HIPK3: variants seen among roughly 807,000 people sequenced by gnomAD.
HIPK3 encodes the protein homeodomain interacting protein kinase 3.
HIPK3 carries 47 observed loss-of-function variants against 124.2 expected under a neutral mutation model. The ratio of observed to expected loss-of-function variants is 0.38; its 90% CI spans 0.30 to 0.48. The LOEUF is 0.48. Ranked by LOEUF, HIPK3 falls within the 20% of genes least tolerant of loss-of-function variation. The pLI is 0.98. For synonymous variants in HIPK3, 482 were observed against 515.2 expected (o/e 0.94, Z 0.87); for missense variants, 1,286 against 1,454.3 (o/e 0.88, Z 1.88).
intron 2 of HIPK3, among the ~76,000 whole-genome samples, chr11:33,306,601 C>G (rs1198652275): frequency 6.6e-6 from 1 of 152,098 alleles, no homozygotes; most frequent in African/African-American, 2.4e-5. Flanking sequence ...CTTATTGTGT[C>G]ACCCTGAGCA....
chr11:33,261,067 T>A (rs1047352034), intron 1 of HIPK3, among the ~76,000 whole-genome samples: 2 of 149,252 alleles, frequency 1.3e-5, no homozygotes, highest in Admixed American at 1.3e-4. Flanking sequence ...GAGAATCTTT[T>A]GTGATACCGG....
At chr11:33,328,430 C>T in intron 2 of HIPK3, 80 bp from the exon 3 acceptor site, 1 of 1,410,944 alleles carries the variant, frequency 7.1e-7, no homozygotes, top group Non-Finnish European at 9.9e-7. Flanking sequence ...GTCATTTTAC[C>T]AACTTCCTAG....
chr11:33,332,205 TTTTAGA>T (rs1853007405), intron 3 of HIPK3, among the ~76,000 whole-genome samples: 1 of 152,228 alleles, frequency 6.6e-6, no homozygotes, highest in African/African-American at 2.4e-5. Flanking sequence ...TCTCTTTGGA[TTTTAGA>T]TTCTGTAAGT....
intron 2 of HIPK3, among the ~76,000 whole-genome samples, chr11:33,307,424 A>G (rs1370246976): frequency 7.1e-6 from 1 of 140,796 alleles, no homozygotes; most frequent in East Asian, 2.1e-4. Context: ...TTTGAGACAG[A>G]GTCTTGCTCT....
chr11:33,299,635 T>G (rs1049172272), intron 2 of HIPK3, among the ~76,000 whole-genome samples: 29 of 152,234 alleles, frequency 1.9e-4, no homozygotes, highest in African/African-American at 7.0e-4. Flanking sequence ...TTGAAAGAAG[T>G]TCTCCTGTGG....
rs956500593 is a variant in HIPK3 at position 33,257,526 on chromosome 11, C to A, written c.-366C>A. On this transcript the variant is annotated 5_prime_UTR_variant, in exon 1 of 17. Transcript: ENST00000303296. ...AGGAATGGGCCCCAATCGCCGTGGGCCCCGCACCCTGCGTCGCCCGTAGGC... is the reference window on the plus strand; with the variant it reads ...AGGAATGGGCCCCAATCGCCGTGGGACCCGCACCCTGCGTCGCCCGTAGGC... 1.2e-5 allele frequency: 12 copies of A among 985,608 alleles called. No individual in the cohort carries two copies. In the East Asian group the frequency reaches 1.4e-3, roughly 112 times the overall value. The allele number at this position is 985,608 out of a possible 1,614,324, so 61.1% of individuals were successfully genotyped here. A position where few individuals can be genotyped will look rare whatever the true frequency, so the allele number is the denominator to read the frequency against.
rs374084636 is a variant in HIPK3, at chr11:33,286,922, G to A, written c.508G>A (p.Gly170Arg). 6.2e-7 allele frequency: 1 copy of A among 1,614,148 alleles called. No individual in the cohort carries two copies. ...NPVTVVTATT[G>R]SKQNCTTGEG... ...AGTGACAGTTGTGACAGCTACCACAGGATCAAAACAGAATTGTACCACTGG... is the reference window on the plus strand; with the variant it reads ...AGTGACAGTTGTGACAGCTACCACAAGATCAAAACAGAATTGTACCACTGG... Residue 170 changes from glycine (G) to arginine (R), a missense_variant, in exon 2 of 17, where the codon GGA (glycine) becomes AGA (arginine). Coordinates refer to ENST00000303296, the MANE Select transcript of HIPK3 (RefSeq NM_005734.5).
chr11:33,286,784 C>A lies in HIPK3; in HGVS notation c.370C>A (p.Arg124=), dbSNP rs893087562. 3.1e-6 allele frequency: 5 copies of A among 1,613,958 alleles called. No individual in the cohort carries two copies. The highest frequency in any genetic ancestry group is 2.7e-5 in the African/African-American group (2 of 74,896). ...ATTGCATTTCCTAGAAGGCCCCCAGCGATGTGGATTGAAGCGCAAGAGTGA... is the reference window on the plus strand; with the variant it reads ...ATTGCATTTCCTAGAAGGCCCCCAGAGATGTGGATTGAAGCGCAAGAGTGA... ...NRLHFLEGPQ[R]CGLKRKSEEL... is the part of the protein sequence containing the mutation. The change falls in exon 2 of 17, where the codon CGA becomes AGA. Residue 124 remains arginine, a synonymous_variant. Transcript: ENST00000303296.
chr11:33,277,312 CT>C (rs1433336953), intron 1 of HIPK3, among the ~76,000 whole-genome samples: 5 of 152,068 alleles, frequency 3.3e-5, no homozygotes, highest in African/African-American at 1.2e-4. Context: ...TCTTCTGCAA[CT>C]TTTTTTGTTC....
chr11:33,296,420 T>C (rs572385693), intron 2 of HIPK3, among the ~76,000 whole-genome samples: 65 of 152,250 alleles, frequency 4.3e-4, no homozygotes, highest in Non-Finnish European at 6.5e-4. Context: ...TATTACTTCT[T>C]TTAGGTCTTT....
chr11:33,274,161 CTTT>C (rs1277803855), intron 1 of HIPK3, among the ~76,000 whole-genome samples: 1 of 152,030 alleles, frequency 6.6e-6, no homozygotes, highest in Non-Finnish European at 1.5e-5. Flanking sequence ...AGATTTTTTC[CTTT>C]TTATTGCTGT....
chr11:33,301,152 A>C (rs532037117), intron 2 of HIPK3, among the ~76,000 whole-genome samples: 1 of 152,178 alleles, frequency 6.6e-6, no homozygotes, highest in East Asian at 1.9e-4. Flanking sequence ...CTCATTAGCC[A>C]CAATATGTTA....
intron 2 of HIPK3, among the ~76,000 whole-genome samples, chr11:33,325,979 C>T (rs1468128901): frequency 6.6e-6 from 1 of 151,304 alleles, no homozygotes; most frequent in Non-Finnish European, 1.5e-5. Flanking sequence ...CATAGAATCT[C>T]CCCGTGGCTC....
chr11:33,311,916 C>T (rs1439774337), intron 2 of HIPK3, among the ~76,000 whole-genome samples: 2 of 144,472 alleles, frequency 1.4e-5, no homozygotes, highest in East Asian at 4.0e-4. Flanking sequence ...TTTCTACACA[C>T]ACACACACAC....
rs973296739 is a variant in HIPK3, at chr11:33,328,495, A to T, written c.1098-15A>T. The T allele has an allele frequency of 5.6e-6, 9 of 1,604,734 alleles. No individual in the cohort carries two copies. Among genetic ancestry groups the T allele is most frequent in the Admixed American group, 3.4e-5 (2 of 58,204 alleles). On this transcript the variant is annotated splice_polypyrimidine_tract_variant and intron_variant, in intron 2 of 16. Transcript: ENST00000303296. ...GAAAAACCACCCTGATTTTTGTTTT[A>T]ATTTTAAATTTCAGAGCTCCAGAGA...
chr11:33,265,774 A>G (rs1423713992), intron 1 of HIPK3, among the ~76,000 whole-genome samples: 3 of 18,992 alleles, frequency 1.6e-4, no homozygotes, highest in Non-Finnish European at 4.8e-4. Flanking sequence ...CCTTGTCTCA[A>G]AAAAAAAAAA....
chr11:33,328,646 G>T lies in HIPK3; in HGVS notation c.1221+13G>T, dbSNP rs756148968. The T allele has an allele frequency of 3.7e-6, 6 of 1,611,060 alleles. No homozygotes were observed. The African/African-American group carries it at 6.7e-5, about 18-fold the overall frequency. On this transcript the variant is annotated intron_variant, in intron 3 of 16. Coordinates refer to ENST00000303296, the MANE Select transcript of HIPK3 (RefSeq NM_005734.5). Reference sequence around the variant, plus strand: ...GGAGTATGATCAGGTAACAAATAATGATAATCTAATAGAATTGGTAAAAAG... The same window carrying T: ...GGAGTATGATCAGGTAACAAATAATTATAATCTAATAGAATTGGTAAAAAG...
intron 1 of HIPK3, among the ~76,000 whole-genome samples, chr11:33,280,494 T>G (rs1388959573): frequency 6.6e-6 from 1 of 152,184 alleles, no homozygotes; most frequent in Non-Finnish European, 1.5e-5. Flanking sequence ...TTATGGTCTT[T>G]TATACCTGTC....
intron 2 of HIPK3, among the ~76,000 whole-genome samples, chr11:33,326,364 C>T (rs1449216760): frequency 6.6e-6 from 1 of 152,102 alleles, no homozygotes; most frequent in Non-Finnish European, 1.5e-5. Flanking sequence ...GATGACAACC[C>T]CCAGTCTCAG....
Sources: allele counts gnomAD v4.1 joint callset (sites outside exome capture counted in the v4.1 genomes callset), GRCh38; gene constraint gnomAD v4.1.1; transcripts MANE v1.5; gene names NCBI Gene and HGNC (gene_info 2026-07-23, HGNC 2026-07-21).